The following ADAM18 variants were observed in gnomAD, a reference collection of about 807,000 sequenced individuals.
The protein encoded by ADAM18 is disintegrin and metalloproteinase domain-containing protein 18.
ADAM18 carries 117 observed loss-of-function variants against 94.4 expected under a neutral mutation model. The ratio of observed to expected loss-of-function variants is 1.24; its 90% confidence interval spans 1.07 to 1.45. The LOEUF (loss-of-function observed/expected upper bound fraction) is 1.45, where lower values mean the gene tolerates loss of function less well. Ranked by LOEUF, ADAM18 falls within the 40% of genes most tolerant of loss-of-function variation. The probability of loss-of-function intolerance (pLI) is 0.00; values close to 1 mark genes in which losing one functional copy is unlikely to be tolerated. For synonymous variants in ADAM18, 327 were observed against 291.6 expected (o/e 1.12, Z -1.24); for missense variants, 936 against 880.0 (o/e 1.06, Z -0.81).
intron 2 of ADAM18, among the ~76,000 whole-genome samples, chr8:39,601,426 A>G (rs997571707): frequency 1.3e-5 from 2 of 152,114 alleles, no homozygotes; most frequent in South Asian, 2.1e-4. Flanking sequence ...TTAGATTTAT[A>G]TTGCCTTCTT....
intron 17 of ADAM18, among the ~76,000 whole-genome samples, chr8:39,697,236 T>C (rs1821951464): frequency 6.6e-6 from 1 of 151,710 alleles, no homozygotes; most frequent in Non-Finnish European, 1.5e-5. Flanking sequence ...CCTGCAACTT[T>C]GTTAATTTAT....
intron 16 of ADAM18, among the ~76,000 whole-genome samples, chr8:39,687,038 CTTCCAGAATGGA>C (rs1821625674): frequency 6.6e-6 from 1 of 152,118 alleles, no homozygotes; most frequent in Admixed American, 6.5e-5. Context: ...TCCAACTAGA[CTTCCAGAATGGA>C]TTGCAGAAAT....
chr8:39,715,453 A>C (rs532569083), intron 18 of ADAM18, among the ~76,000 whole-genome samples: 1 of 148,672 alleles, frequency 6.7e-6, no homozygotes, highest in African/African-American at 2.5e-5. Context: ...AGAAAACAGT[A>C]CAGTAAAAAT....
chr8:39,697,661 T>A (rs572675111), intron 17 of ADAM18, among the ~76,000 whole-genome samples: 1 of 151,790 alleles, frequency 6.6e-6, no homozygotes, highest in African/African-American at 2.4e-5. Flanking sequence ...TGTTTATTTC[T>A]GTTAAAAATT....
chr8:39,624,900 C>T (rs1819719486), intron 6 of ADAM18, among the ~76,000 whole-genome samples: 1 of 152,216 alleles, frequency 6.6e-6, no homozygotes, highest in Admixed American at 6.5e-5. Context: ...CAGAAGCTGT[C>T]ATGCTTCCTG....
At chr8:39,586,789 T>TATCTATCTATCTATC (rs1563263521) in intron 2 of ADAM18, among the ~76,000 whole-genome samples, 5 of 136,300 alleles carry the variant, frequency 3.7e-5, no homozygotes, top group African/African-American at 1.3e-4. Context: ...TCTATCTATC[T>TATCTATCTATCTATC]ATCTATCTAT....
intron 19 of ADAM18, among the ~76,000 whole-genome samples, chr8:39,726,337 AG>A (rs1198507216): frequency 1.3e-5 from 2 of 151,518 alleles, no homozygotes; most frequent in African/African-American, 4.8e-5. Flanking sequence ...TATGTTGCGT[AG>A]GCTTGTCTAA....
intron 12 of ADAM18, 147 bp from the exon 13 acceptor site, chr8:39,663,648 A>C: frequency 3.8e-6 from 2 of 522,000 alleles, no homozygotes; most frequent in Non-Finnish European, 6.6e-6. Flanking sequence ...AGAAATGGTA[A>C]ACTAATACAG....
chr8:39,628,753 G>A (rs1044844966), intron 6 of ADAM18, among the ~76,000 whole-genome samples: 1 of 151,982 alleles, frequency 6.6e-6, no homozygotes, highest in South Asian at 2.1e-4. Flanking sequence ...TGTTAAATGA[G>A]GATGTAATAA....
chr8:39,585,327 A>T lies in ADAM18; in HGVS notation c.107A>T (p.Asn36Ile). The T allele has an allele frequency of 1.9e-6, 3 of 1,613,478 alleles. No homozygotes were observed. Among genetic ancestry groups the T allele is most frequent in the Non-Finnish European group, 2.5e-6 (3 of 1,179,592 alleles). ...HVTVPRKIKS[N>I]DSEVSERKMI... ...ACAGTTCCACGGAAGATTAAGTCAA[A>T]TGACAGTGAAGTTTCAGAGAGGAAG... The change falls in exon 2 of 20, where the codon AAT becomes ATT. Residue 36 changes from asparagine (N) to isoleucine (I), a missense_variant. Coordinates refer to ENST00000265707, the MANE Select transcript of ADAM18 (RefSeq NM_014237.3).
At chr8:39,704,966 G>A (rs992074126) in intron 17 of ADAM18, among the ~76,000 whole-genome samples, 1 of 152,064 alleles carries the variant, frequency 6.6e-6, no homozygotes, top group East Asian at 1.9e-4. Context: ...AAATATAGAG[G>A]AAAATATATA....
chr8:39,722,950 CTAAA>C (rs1822800366), intron 18 of ADAM18, among the ~76,000 whole-genome samples: 1 of 150,902 alleles, frequency 6.6e-6, no homozygotes, highest in Non-Finnish European at 1.5e-5. Context: ...ATAAATTTCA[CTAAA>C]TAAATAATAA....
chr8:39,610,083 A>G (rs1819221071), intron 5 of ADAM18, among the ~76,000 whole-genome samples: 1 of 152,122 alleles, frequency 6.6e-6, no homozygotes, highest in Non-Finnish European at 1.5e-5. Flanking sequence ...TTTGGTTTCA[A>G]TTGCCTGATT....
intron 18 of ADAM18, among the ~76,000 whole-genome samples, chr8:39,718,799 T>C (rs985201076): frequency 1.3e-5 from 2 of 151,450 alleles, no homozygotes; most frequent in South Asian, 2.1e-4. Flanking sequence ...AAATGTGAGA[T>C]TGTGCACTGG....
chr8:39,669,766 T>C (rs1006528783), intron 14 of ADAM18, among the ~76,000 whole-genome samples: 2 of 152,116 alleles, frequency 1.3e-5, no homozygotes, highest in African/African-American at 2.4e-5. Flanking sequence ...ATAGTGCCAC[T>C]ATAAACATGC....
At chr8:39,586,576 A>G (rs1818398396) in intron 2 of ADAM18, among the ~76,000 whole-genome samples, 1 of 152,084 alleles carries the variant, frequency 6.6e-6, no homozygotes, top group African/African-American at 2.4e-5. Flanking sequence ...TACAAAAATA[A>G]CTTAACTGGG....
chr8:39,711,917 A>G (rs1435670188), intron 18 of ADAM18, among the ~76,000 whole-genome samples: 3 of 152,114 alleles, frequency 2.0e-5, no homozygotes, highest in Admixed American at 6.6e-5. Context: ...AAGAAGCTTA[A>G]TGAACTGCAA....
At chr8:39,606,986 C>T (rs1188896096) in intron 3 of ADAM18, among the ~76,000 whole-genome samples, 2 of 152,062 alleles carry the variant, frequency 1.3e-5, no homozygotes, top group Non-Finnish European at 2.9e-5. Context: ...TTTTGTGATT[C>T]TTCATTTGCT....
At chr8:39,601,566 A>G (rs571483600) in intron 2 of ADAM18, among the ~76,000 whole-genome samples, 1 of 152,076 alleles carries the variant, frequency 6.6e-6, no homozygotes, top group South Asian at 2.1e-4. Context: ...TTTGGATGAT[A>G]TATTTCTCTT....
Sources: allele counts gnomAD v4.1 joint callset (sites outside exome capture counted in the v4.1 genomes callset), GRCh38; gene constraint gnomAD v4.1.1; transcripts MANE v1.5; gene names NCBI Gene and HGNC (gene_info 2026-07-23, HGNC 2026-07-21).